TNKS2: variants seen among roughly 807,000 people sequenced by gnomAD.
The protein encoded by TNKS2 is poly [ADP-ribose] polymerase tankyrase-2.
In TNKS2, 72 loss-of-function variants were observed where a neutral mutation model predicts 137.6. That is an observed-to-expected ratio of 0.52 (90% confidence interval 0.43 to 0.64). The LOEUF (loss-of-function observed/expected upper bound fraction) is 0.64. Ranked by LOEUF, TNKS2 falls within the 30% of genes least tolerant of loss-of-function variation. The pLI is 0.00. For synonymous variants in TNKS2, 516 were observed against 512.1 expected (o/e 1.01, Z -0.10); for missense variants, 1,049 against 1,410.2 (o/e 0.74, Z 4.10).
At chr10:91,841,512 ATAATTC>A (rs1311073478) in intron 15 of TNKS2, 64 bp downstream of exon 15, 6 of 1,332,396 alleles carry the variant, frequency 4.5e-6, no homozygotes, top group Non-Finnish European at 6.0e-6. Flanking sequence ...GGTTTTCTAA[ATAATTC>A]TAGTATAAAG....
intron 9 of TNKS2, among the ~76,000 whole-genome samples, chr10:91,830,456 G>A (rs1167840258): frequency 6.6e-6 from 1 of 152,304 alleles, no homozygotes; most frequent in East Asian, 1.9e-4. Context: ...GACCTCAGGT[G>A]ACCCGCCTGC....
chr10:91,820,919 C>A (rs925840997), intron 6 of TNKS2, among the ~76,000 whole-genome samples: 3 of 152,192 alleles, frequency 2.0e-5, no homozygotes, highest in Non-Finnish European at 2.9e-5. Context: ...ATTTCAAGTT[C>A]TGAATGAGTT....
rs185722106 is a variant in TNKS2, at chr10:91,811,397, A to G, written c.200-1586A>G. ...CAGGTGTCATCACTGGAATTGCCTTAGGTAAGTCTTTTCCGTTCTCTGCTT... is the reference window on the plus strand; with the variant it reads ...CAGGTGTCATCACTGGAATTGCCTTGGGTAAGTCTTTTCCGTTCTCTGCTT... On this transcript the variant is annotated intron_variant, in intron 1 of 26. Transcript: ENST00000371627. 5.1e-3 allele frequency among the ~76,000 whole-genome samples: 772 copies of G among 152,038 alleles called. 1 individual carries two copies. The highest frequency in any genetic ancestry group is 0.016 in the South Asian group (79 of 4,804).
At chr10:91,837,111 A>G (rs1842049082) in intron 13 of TNKS2, 113 bp downstream of exon 13, 16 of 960,306 alleles carry the variant, frequency 1.7e-5, no homozygotes, top group Middle Eastern at 3.3e-4. Context: ...CTTGCCTTAA[A>G]AGGTCAATAA....
chr10:91,822,440 T>C, intron 7 of TNKS2, 78 bp downstream of exon 7: 2 of 1,208,832 alleles, frequency 1.7e-6, no homozygotes, highest in South Asian at 1.3e-5. Flanking sequence ...TGTCTGGGTT[T>C]CTTTTTATTT....
chr10:91,844,847 A>C (rs1337375577), intron 16 of TNKS2, 72 bp from the exon 17 acceptor site: 1 of 907,186 alleles, frequency 1.1e-6, no homozygotes, highest in African/African-American at 1.7e-5. Flanking sequence ...TATGTTAACA[A>C]GTGGAAGTAT....
At chr10:91,824,261 C>A (rs971074841) in intron 7 of TNKS2, among the ~76,000 whole-genome samples, 8 of 152,106 alleles carry the variant, frequency 5.3e-5, no homozygotes, top group African/African-American at 1.9e-4. Flanking sequence ...GCAACACTTG[C>A]CTAAATAGTT....
intron 2 of TNKS2, among the ~76,000 whole-genome samples, chr10:91,813,879 A>G (rs1311126564): frequency 1.3e-5 from 2 of 152,208 alleles, no homozygotes; most frequent in African/African-American, 4.8e-5. Context: ...TCAGGTGTTT[A>G]TGGTGATGCT....
At chr10:91,820,698 A>T (rs1261481572) in intron 6 of TNKS2, among the ~76,000 whole-genome samples, 1 of 152,210 alleles carries the variant, frequency 6.6e-6, no homozygotes, top group Non-Finnish European at 1.5e-5. Flanking sequence ...TTTGAAAGCA[A>T]TGTGTTGGCT....
At chr10:91,817,286 T>C in intron 3 of TNKS2, 57 bp downstream of exon 3, 1 of 1,305,528 alleles carries the variant, frequency 7.7e-7, no homozygotes, top group Non-Finnish European at 1.1e-6. Flanking sequence ...CCTTGCCAGG[T>C]AGGAAATTTG....
intron 2 of TNKS2, among the ~76,000 whole-genome samples, chr10:91,814,327 G>C (rs890911352): frequency 3.9e-5 from 6 of 152,156 alleles, no homozygotes; most frequent in Non-Finnish European, 8.8e-5. Context: ...TTGTATAGCT[G>C]TACATAGTGT....
intron 21 of TNKS2, among the ~76,000 whole-genome samples, chr10:91,853,857 A>G (rs1285058223): frequency 6.6e-6 from 1 of 152,218 alleles, no homozygotes; most frequent in Non-Finnish European, 1.5e-5. Context: ...ACAAACTTCC[A>G]TGCACTAACC....
rs763772426 is a variant in TNKS2, at chr10:91,817,184, A to G, written c.475A>G (p.Thr159Ala). The change falls in exon 3 of 27, where the codon ACA becomes GCA. Residue 159 changes from threonine to alanine, a missense_variant. Coordinates refer to ENST00000371627, the MANE Select transcript of TNKS2 (RefSeq NM_025235.4). Reference protein sequence around the residue: ...EPTIRNTDGRTALDLADPSAK... With the variant: ...EPTIRNTDGRAALDLADPSAK... Reference sequence around the variant, plus strand: ...AACCATCCGAAATACAGATGGAAGGACAGCATTGGATTTAGCAGATCCATC... The same window carrying G: ...AACCATCCGAAATACAGATGGAAGGGCAGCATTGGATTTAGCAGATCCATC... The G allele has an allele frequency of 1.9e-6, 3 of 1,613,818 alleles. No homozygotes were observed. Among genetic ancestry groups the G allele is most frequent in the East Asian group, 2.2e-5 (1 of 44,862 alleles).
intron 12 of TNKS2, chr10:91,836,584 CTTAAT>C (rs1345669776): frequency 3.1e-5 from 30 of 956,358 alleles, no homozygotes; most frequent in Admixed American, 6.2e-5. Context: ...TGTTTGCTCT[CTTAAT>C]TTAATACTTT....
chr10:91,813,353 T>C (rs1003199348), intron 2 of TNKS2, 146 bp downstream of exon 2: 1 of 793,290 alleles, frequency 1.3e-6, no homozygotes, highest in Non-Finnish European at 2.0e-6. Flanking sequence ...TACTATTTAC[T>C]GAGTGTCTTT....
chr10:91,848,351 A>G (rs766989173), intron 18 of TNKS2, 32 bp from the exon 19 acceptor site: 1 of 1,593,018 alleles, frequency 6.3e-7, no homozygotes, highest in South Asian at 1.1e-5. Context: ...AAACTTGCTT[A>G]TGGCAGATGT....
intron 20 of TNKS2, 82 bp downstream of exon 20, chr10:91,849,676 A>G (rs1167922977): frequency 4.3e-5 from 47 of 1,084,894 alleles, no homozygotes; most frequent in Non-Finnish European, 5.6e-5. Context: ...AATGAGCTGA[A>G]CCATGTAAGC....
intron 1 of TNKS2, among the ~76,000 whole-genome samples, chr10:91,799,225 G>T (rs1844077071): frequency 2.0e-5 from 3 of 152,164 alleles, no homozygotes; most frequent in Admixed American, 1.3e-4. Context: ...AGAAAGAGTA[G>T]GGGACGTAGT....
At chr10:91,859,737 CTT>C in intron 25 of TNKS2, 89 bp downstream of exon 25, 1 of 1,035,384 alleles carries the variant, frequency 9.7e-7, no homozygotes, top group East Asian at 2.5e-5. Context: ...GTTGGACAGT[CTT>C]AGGAATGCAA....
Sources: gnomAD v4.1 joint callset for allele counts (sites outside exome capture counted in the v4.1 genomes callset) on GRCh38, gnomAD v4.1.1 for gene constraint, MANE v1.5 for transcripts, NCBI Gene and HGNC (gene_info 2026-07-23, HGNC 2026-07-21) for gene names.